Variants in NECAB1 observed in about 807,000 individuals in gnomAD.
NECAB1 encodes the protein N-terminal EF-hand calcium binding protein 1, also known as N-terminal EF-hand calcium-binding protein 1.
In NECAB1, 29 loss-of-function variants were observed where a neutral mutation model predicts 57.5. That is an observed-to-expected ratio of 0.50 (90% CI 0.38 to 0.69). The LOEUF (loss-of-function observed/expected upper bound fraction) is 0.69. Ranked by LOEUF, NECAB1 falls within the 30% of genes least tolerant of loss-of-function variation. NECAB1 has a pLI of 0.00. For missense variants in NECAB1, 372 were observed against 413.8 expected (o/e 0.90, Z 0.88); for synonymous variants, 142 against 147.7 (o/e 0.96, Z 0.28).
chr8:90,896,489 C>T (rs1046464431), intron 5 of NECAB1, among the ~76,000 whole-genome samples: 16 of 152,032 alleles, frequency 1.1e-4, no homozygotes, highest in Admixed American at 3.3e-4. Flanking sequence ...CCTGTAGTCC[C>T]AGCTACTCAG....
In NECAB1 at chr8:90,849,037, T is replaced by C. The variant is rs116347996; in HGVS notation, c.234-23091T>C. ...CAAAAACCCACCCCCAATGATTCAA[T>C]TACCTCCCACCCCATGTCCCTCCCA... On this transcript the variant is annotated intron_variant, in intron 3 of 12. Coordinates refer to ENST00000417640, the MANE Select transcript of NECAB1 (RefSeq NM_022351.5). 3.4e-3 allele frequency among the ~76,000 whole-genome samples: 524 copies of C among 152,210 alleles called. 4 individuals carry two copies. Among genetic ancestry groups the C allele is most frequent in the African/African-American group, 0.012 (492 of 41,538 alleles).
chr8:90,915,286 T>C (rs890155510), intron 5 of NECAB1, among the ~76,000 whole-genome samples: 1 of 152,174 alleles, frequency 6.6e-6, no homozygotes, highest in African/African-American at 2.4e-5. Flanking sequence ...CACCTTTTTT[T>C]CTATCATCAC....
At chr8:90,849,545 T>C (rs1251587404) in intron 3 of NECAB1, among the ~76,000 whole-genome samples, 1 of 149,478 alleles carries the variant, frequency 6.7e-6, no homozygotes, top group Non-Finnish European at 1.5e-5. Context: ...AGTTGAGTGC[T>C]TCCTATATGC....
intron 3 of NECAB1, among the ~76,000 whole-genome samples, chr8:90,870,567 C>T (rs1437990319): frequency 6.6e-6 from 1 of 152,202 alleles, no homozygotes; most frequent in Non-Finnish European, 1.5e-5. Flanking sequence ...TCCTCTACTA[C>T]TATTTAGAGA....
chr8:90,801,008 A>G (rs1811748549), intron 1 of NECAB1, among the ~76,000 whole-genome samples: 1 of 152,202 alleles, frequency 6.6e-6, no homozygotes, highest in Non-Finnish European at 1.5e-5. Context: ...AGATAATATG[A>G]TTAATAAAGT....
At chr8:90,931,193 G>A (rs1810397457) in intron 8 of NECAB1, among the ~76,000 whole-genome samples, 1 of 152,216 alleles carries the variant, frequency 6.6e-6, no homozygotes, top group South Asian at 2.1e-4. Context: ...CTCAGTGTGA[G>A]CTGTCTTAAT....
chr8:90,898,907 C>T (rs1809428829), intron 5 of NECAB1, among the ~76,000 whole-genome samples: 1 of 152,182 alleles, frequency 6.6e-6, no homozygotes, highest in Non-Finnish European at 1.5e-5. Context: ...TTATGGAATA[C>T]TGTGTCTGCT....
chr8:90,910,660 A>C (rs1458806271), intron 5 of NECAB1, among the ~76,000 whole-genome samples: 1 of 152,118 alleles, frequency 6.6e-6, no homozygotes, highest in Non-Finnish European at 1.5e-5. Flanking sequence ...CCTTGGAGTG[A>C]CCGATTTTAA....
chr8:90,835,000 TAA>T (rs34904518), intron 3 of NECAB1, among the ~76,000 whole-genome samples: 2,552 of 148,576 alleles, frequency 0.017, 61 homozygotes, highest in African/African-American at 0.058. Context: ...TTTTTTTTTT[TAA>T]AAAAGAGCCC....
chr8:90,944,768 G>A (rs757414686), intron 10 of NECAB1, among the ~76,000 whole-genome samples: 3 of 152,136 alleles, frequency 2.0e-5, no homozygotes, highest in Non-Finnish European at 2.9e-5. Context: ...TACGAAATTC[G>A]AGAATTTGAA....
At chr8:90,912,037 G>C (rs888711886) in intron 5 of NECAB1, among the ~76,000 whole-genome samples, 3 of 152,130 alleles carry the variant, frequency 2.0e-5, no homozygotes, top group African/African-American at 7.2e-5. Context: ...CAGAACGTAA[G>C]TGTGACTGTC....
chr8:90,902,727 A>G, intron 5 of NECAB1, among the ~76,000 whole-genome samples: 1 of 152,138 alleles, frequency 6.6e-6, no homozygotes, highest in Admixed American at 6.6e-5. Flanking sequence ...AAGACTCTTA[A>G]ACATGATAAT....
chr8:90,907,149 T>TGAGAGAGAGAGAGA (rs1178039932), intron 5 of NECAB1, among the ~76,000 whole-genome samples: 11 of 107,192 alleles, frequency 1.0e-4, no homozygotes, highest in East Asian at 3.0e-4. Flanking sequence ...TGTGTGTGTG[T>TGAGAGAGAGAGAGA]GTGAGAGAGA....
intron 2 of NECAB1, among the ~76,000 whole-genome samples, chr8:90,804,998 A>G (rs1228598466): frequency 6.6e-6 from 1 of 152,234 alleles, no homozygotes; most frequent in Non-Finnish European, 1.5e-5. Context: ...CTCTATTGCT[A>G]CTGAAAGCTT....
At chr8:90,844,975 G>A (rs1812528668) in intron 3 of NECAB1, among the ~76,000 whole-genome samples, 3 of 152,158 alleles carry the variant, frequency 2.0e-5, no homozygotes, top group South Asian at 2.1e-4. Context: ...TTTAAAATCT[G>A]CAGGGTGGGT....
At chr8:90,892,851 T>C (rs1809219817) in intron 5 of NECAB1, among the ~76,000 whole-genome samples, 3 of 152,206 alleles carry the variant, frequency 2.0e-5, no homozygotes, top group Non-Finnish European at 2.9e-5. Context: ...TGGCTCCTCA[T>C]TGACCTCAGG....
intron 3 of NECAB1, among the ~76,000 whole-genome samples, chr8:90,848,063 G>A (rs977100420): frequency 6.6e-6 from 1 of 152,202 alleles, no homozygotes; most frequent in African/African-American, 2.4e-5. Context: ...TTGTCAGGCT[G>A]CAAATTTTCC....
intron 12 of NECAB1, among the ~76,000 whole-genome samples, chr8:90,955,064 T>C (rs561639447): frequency 5.3e-4 from 75 of 142,524 alleles, no homozygotes; most frequent in Non-Finnish European, 8.7e-4. Flanking sequence ...TATGTATAAA[T>C]ATATGGTATT....
rs1217979861 is a variant in NECAB1, at chr8:90,957,561, C to T, written c.*2049C>T. On this transcript the variant is annotated 3_prime_UTR_variant, in exon 13 of 13. Transcript: ENST00000417640. ...GACCCCAGCTCTTATACAAATTATA[C>T]ATGTATTTTTGTGTATGTTTGTGAG... 1 of 150,776 alleles carries T rather than the reference C, an allele frequency of 6.6e-6. No homozygotes were observed. The highest frequency in any genetic ancestry group is 1.5e-5 in the Non-Finnish European group (1 of 67,636). 9.3% of individuals were successfully genotyped at this position (150,776 alleles called of 1,614,324 possible).
Sources: gnomAD v4.1 joint callset for allele counts (sites outside exome capture counted in the v4.1 genomes callset) on GRCh38, gnomAD v4.1.1 for gene constraint, MANE v1.5 for transcripts, NCBI Gene and HGNC (gene_info 2026-07-23, HGNC 2026-07-21) for gene names.